Variants in GARIN5B observed in about 807,000 individuals in gnomAD.
GARIN5B encodes the protein Golgi-associated RAB2 interactor protein 5B.
the GARIN5B span, among the ~76,000 whole-genome samples, chr19:55,357,022 A>ACT: frequency 2.6e-5 from 4 of 152,048 alleles, no homozygotes; most frequent in African/African-American, 9.7e-5. Context: ...GCGCCACTGC[A>ACT]CTCTAGCCTG....
the GARIN5B span, among the ~76,000 whole-genome samples, chr19:55,361,670 GGGGT>G: frequency 9.9e-5 from 2 of 20,176 alleles, no homozygotes; most frequent in Non-Finnish European, 1.5e-4. Flanking sequence ...CCTTGACTCA[GGGGT>G]CCAGGCCTCA....
the GARIN5B span, chr19:55,361,236 T>C: frequency 2.6e-6 from 4 of 1,550,990 alleles, no homozygotes; most frequent in Non-Finnish European, 3.5e-6. Context: ...TCAGCAACCC[T>C]GACTGGGAAG....
the GARIN5B span, chr19:55,362,869 T>G: frequency 6.8e-7 from 1 of 1,470,646 alleles, no homozygotes; most frequent in Non-Finnish European, 9.0e-7. Flanking sequence ...CGGGGGGCCT[T>G]GCTTCCCCTC....
At chr19:55,358,155 G>T in the GARIN5B span, 3 of 1,483,236 alleles carry the variant, frequency 2.0e-6, no homozygotes, top group Non-Finnish European at 2.7e-6. Context: ...CTGGGCAGAA[G>T]GTTCAAGACG....
chr19:55,362,332 C>A, the GARIN5B span: 13 of 1,550,346 alleles, frequency 8.4e-6, no homozygotes, highest in Non-Finnish European at 1.0e-5. Context: ...AGGTGGGAGC[C>A]GGCTCCTGAA....
At chr19:55,358,604 ACCAC>A in the GARIN5B span, 1 of 1,551,260 alleles carries the variant, frequency 6.4e-7, no homozygotes, top group Non-Finnish European at 8.7e-7. Context: ...CTGCTCTCTG[ACCAC>A]CACTGGCTTC....
At chr19:55,358,719 C>A in the GARIN5B span, 1 of 1,550,322 alleles carries the variant, frequency 6.5e-7, no homozygotes, top group Non-Finnish European at 8.7e-7. Flanking sequence ...GGAAGTGAGA[C>A]CAAAGCGGAT....
At chr19:55,359,057 G>A in the GARIN5B span, 1 of 1,551,366 alleles carries the variant, frequency 6.4e-7, no homozygotes, top group South Asian at 1.2e-5. Context: ...CTTGGCCTGA[G>A]TCGTCATCTC....
the GARIN5B span, chr19:55,362,625 G>A: frequency 1.4e-5 from 22 of 1,547,206 alleles, no homozygotes; most frequent in African/African-American, 5.5e-5. Flanking sequence ...CGGGCTGGCC[G>A]ATCAGCAAGA....
chr19:55,358,482 C>T, the GARIN5B span: 1 of 1,537,984 alleles, frequency 6.5e-7, no homozygotes, highest in Admixed American at 2.0e-5. Flanking sequence ...CGAAAGGGCA[C>T]CTTGGGTGGC....
the GARIN5B span, chr19:55,360,899 G>A: frequency 7.8e-6 from 12 of 1,543,906 alleles, no homozygotes; most frequent in Non-Finnish European, 1.1e-5. Flanking sequence ...GGGGGTCTGA[G>A]TGGGACCTGC....
chr19:55,358,871 A>G, the GARIN5B span: 4 of 1,548,716 alleles, frequency 2.6e-6, no homozygotes, highest in Non-Finnish European at 3.5e-6. Context: ...CCGCTGCTCC[A>G]ACTCCTTGGA....
the GARIN5B span, chr19:55,362,772 C>T: frequency 3.9e-5 from 58 of 1,505,190 alleles, no homozygotes; most frequent in Non-Finnish European, 4.9e-5. Context: ...CCACTCCTTC[C>T]TCCAGCAGCC....
the GARIN5B span, among the ~76,000 whole-genome samples, chr19:55,362,075 CA>C: frequency 1.3e-5 from 2 of 150,680 alleles, no homozygotes; most frequent in African/African-American, 4.9e-5. Flanking sequence ...TCCAGGCCCC[CA>C]GCATCTCCTC....
chr19:55,358,424 G>A, the GARIN5B span: 63 of 1,509,552 alleles, frequency 4.2e-5, 1 homozygote, highest in Middle Eastern at 1.7e-4. Flanking sequence ...GGGGATAGGC[G>A]CCTGGGAGAT....
At chr19:55,360,769 T>C in the GARIN5B span, 7 of 1,551,562 alleles carry the variant, frequency 4.5e-6, no homozygotes, top group Admixed American at 2.0e-5. Flanking sequence ...GCTGGTCTTC[T>C]CTGGATGGGG....
chr19:55,358,782 G>A, the GARIN5B span: 660 of 1,548,672 alleles, frequency 4.3e-4, no homozygotes, highest in Non-Finnish European at 5.5e-4. Context: ...GTGAGGGTGA[G>A]CGCTTCCACA....
the GARIN5B span, chr19:55,361,561 G>A: frequency 1.0e-5 from 10 of 965,680 alleles, no homozygotes; most frequent in Non-Finnish European, 1.3e-5. Flanking sequence ...TCAGACCCAG[G>A]AGTCCAGGCC....
chr19:55,361,352 C>A, the GARIN5B span: 3 of 1,541,072 alleles, frequency 1.9e-6, no homozygotes, highest in Non-Finnish European at 2.6e-6. Flanking sequence ...AAGGGTGCAG[C>A]TCTGTCCCTG....
Sources: allele counts gnomAD v4.1 joint callset (sites outside exome capture counted in the v4.1 genomes callset), GRCh38; gene constraint gnomAD v4.1.1; transcripts MANE v1.5; gene names NCBI Gene and HGNC (gene_info 2026-07-23, HGNC 2026-07-21).